Variants in SPTBN1 observed in about 807,000 individuals in gnomAD.
The protein encoded by SPTBN1 is spectrin beta, non-erythrocytic 1.
In SPTBN1, 32 loss-of-function variants were observed where a neutral mutation model predicts 266.4. The ratio of observed to expected loss-of-function variants is 0.12; its 90% CI spans 0.09 to 0.16. SPTBN1 has a LOEUF of 0.16. SPTBN1 is among the 10% of genes least tolerant of loss of function. The pLI, the probability that SPTBN1 is intolerant of heterozygous loss-of-function variation, is 1.00. For missense variants in SPTBN1, 2,296 were observed against 3,067.1 expected (o/e 0.75, Z 5.94); for synonymous variants, 1,336 against 1,162.2 (o/e 1.15, Z -3.04).
chr2:54,496,695 C>A (rs375422384), intron 1 of SPTBN1, among the ~76,000 whole-genome samples: 36 of 152,266 alleles, frequency 2.4e-4, no homozygotes, highest in African/African-American at 7.5e-4. Context: ...AGCAGACTTG[C>A]AAATGATAAT....
chr2:54,670,546 A>G lies in SPTBN1; in HGVS notation c.*1977A>G, dbSNP rs140484403. The G allele has an allele frequency of 0.013, 5,169 of 396,408 alleles. 62 individuals are homozygous for G. Among genetic ancestry groups the G allele is most frequent in the Non-Finnish European group, 0.013 (2,908 of 225,130 alleles). The allele number at this position is 396,408 out of a possible 1,614,324, so 24.6% of individuals were successfully genotyped here. A position where few individuals can be genotyped will look rare whatever the true frequency, so the allele number is the denominator to read the frequency against. On this transcript the variant is annotated 3_prime_UTR_variant, in exon 36 of 36. Transcript: ENST00000356805. ...ACAGTCCTTTGCCCTTGCCATGCTC[A>G]GGGTTGGAATCAAGTTGTTCTATTC...
intron 1 of SPTBN1, among the ~76,000 whole-genome samples, chr2:54,498,720 G>A (rs940048736): frequency 6.6e-6 from 1 of 152,046 alleles, no homozygotes; most frequent in Admixed American, 6.6e-5. Flanking sequence ...CATTGTCAAT[G>A]CATTTTTCTT....
chr2:54,569,852 C>T (rs1673932750), intron 2 of SPTBN1, among the ~76,000 whole-genome samples: 2 of 152,198 alleles, frequency 1.3e-5, no homozygotes, highest in Non-Finnish European at 1.5e-5. Flanking sequence ...CAGGGTGAGC[C>T]TTGTAAACTT....
chr2:54,654,861 G>T (rs946531462), intron 27 of SPTBN1, among the ~76,000 whole-genome samples: 3 of 152,212 alleles, frequency 2.0e-5, no homozygotes, highest in African/African-American at 7.2e-5. Context: ...ATATTCTACA[G>T]TTTGGTTACC....
At chr2:54,565,235 A>T (rs533560380) in intron 2 of SPTBN1, among the ~76,000 whole-genome samples, 2 of 152,214 alleles carry the variant, frequency 1.3e-5, no homozygotes, top group African/African-American at 4.8e-5. Flanking sequence ...TGTGGTGGGG[A>T]TGGAGAAGCA....
intron 3 of SPTBN1, among the ~76,000 whole-genome samples, chr2:54,599,941 C>T (rs1281566531): frequency 1.3e-5 from 2 of 152,180 alleles, no homozygotes; most frequent in Admixed American, 6.5e-5. Context: ...GGTTTTGTCT[C>T]ACCTTGGTTT....
rs563987156 is a variant in SPTBN1 at position 54,514,333 on chromosome 2, A to T, written c.-47-12039A>T. ...ACGAGTGAAATCTTAAAAAACAATT[A>T]ATTTCCATTATAGTAAGGGTGAATT... On this transcript the variant is annotated intron_variant, in intron 1 of 35. Transcript: ENST00000356805. Among the ~76,000 whole-genome samples the T allele has an allele frequency of 2.0e-5, 3 of 152,298 alleles. No homozygotes were observed. In the East Asian group the frequency reaches 5.8e-4, roughly 29 times the overall value.
intron 1 of SPTBN1, among the ~76,000 whole-genome samples, chr2:54,508,074 G>A (rs1218364848): frequency 1.3e-5 from 2 of 152,176 alleles, no homozygotes; most frequent in East Asian, 3.8e-4. Context: ...TCCACTTAAA[G>A]AGAGACTTAA....
At chr2:54,527,608 G>C (rs1364044903) in intron 2 of SPTBN1, 1 of 152,190 alleles carries the variant, frequency 6.6e-6, no homozygotes, top group Non-Finnish European at 1.5e-5. Context: ...CCAGGATCTA[G>C]TTTCTTTCTC....
intron 1 of SPTBN1, among the ~76,000 whole-genome samples, chr2:54,482,865 G>A (rs1292165465): frequency 6.6e-6 from 1 of 152,236 alleles, no homozygotes; most frequent in Non-Finnish European, 1.5e-5. Context: ...GCAGTACTGA[G>A]TCACTCCATA....
intron 2 of SPTBN1, among the ~76,000 whole-genome samples, chr2:54,563,883 A>G (rs1470168293): frequency 6.6e-6 from 1 of 152,246 alleles, no homozygotes; most frequent in East Asian, 1.9e-4. Flanking sequence ...CACACCCGGC[A>G]AGGGTAGCTA....
chr2:54,587,397 G>A (rs113087229), intron 2 of SPTBN1, among the ~76,000 whole-genome samples: 7 of 152,272 alleles, frequency 4.6e-5, no homozygotes, highest in South Asian at 2.1e-4. Flanking sequence ...CGGTTGGTGC[G>A]CTTTAAAACA....
At chr2:54,636,295 C>G (rs1290127274) in intron 17 of SPTBN1, among the ~76,000 whole-genome samples, 1 of 152,116 alleles carries the variant, frequency 6.6e-6, no homozygotes, top group East Asian at 1.9e-4. Context: ...TTATTTGTGT[C>G]TAACATATGC....
intron 32 of SPTBN1, chr2:54,661,319 T>G (rs1681029306): frequency 1.0e-6 from 1 of 985,778 alleles, no homozygotes; most frequent in South Asian, 4.7e-5. Flanking sequence ...ATCAAAACCT[T>G]GTGAGACATT....
intron 1 of SPTBN1, chr2:54,520,480 G>T (rs1670371572): frequency 6.6e-6 from 1 of 152,124 alleles, no homozygotes; most frequent in African/African-American, 2.4e-5. Context: ...TTGAAGAAAT[G>T]AATTTAGTGT....
Position 54,613,600 on chromosome 2 carries a change from C to T in SPTBN1, c.474+1266C>T, listed in dbSNP as rs146653504. Among the ~76,000 whole-genome samples, 389 of 152,296 alleles carry T rather than the reference C, an allele frequency of 2.6e-3. 1 individual carries two copies. Among genetic ancestry groups the T allele is most frequent in the African/African-American group, 8.9e-3 (369 of 41,564 alleles). ...GGAAACCCTTTTAATAATTCAGGTTCCCAGGGCCCAGCCCTAGTAGTTCTG... is the reference window on the plus strand; with the variant it reads ...GGAAACCCTTTTAATAATTCAGGTTTCCAGGGCCCAGCCCTAGTAGTTCTG... On this transcript the variant is annotated intron_variant, in intron 4 of 35. Coordinates refer to ENST00000356805, the MANE Select transcript of SPTBN1 (RefSeq NM_003128.3).
intron 8 of SPTBN1, 85 bp downstream of exon 8, chr2:54,621,597 C>A: frequency 9.1e-7 from 1 of 1,093,340 alleles, no homozygotes; most frequent in South Asian, 1.3e-5. Context: ...TAAAATTTGC[C>A]AATAGCAATT....
chr2:54,664,609 C>A lies in SPTBN1; in HGVS notation c.6577C>A (p.Gln2193Lys). ...TGCCGCCACCTTACCAGCCAGAACC[C>A]AGGAGACACCTTCGGCCCAGATGGA... ...QSAATLPARTQETPSAQMEGF... is the reference protein window; with the variant it reads ...QSAATLPARTKETPSAQMEGF... The change falls in exon 33 of 36, where the codon CAG becomes AAG. Residue 2193 changes from glutamine (Q) to lysine (K), a missense_variant. Transcript: ENST00000356805. This position sits in a 1 kb window ranked among gnomAD's most constrained non-coding sequence, Gnocchi z 5.6. The A allele has an allele frequency of 2.5e-6, 4 of 1,614,176 alleles. No homozygotes were observed. Among genetic ancestry groups the A allele is most frequent in the Non-Finnish European group, 3.4e-6 (4 of 1,180,032 alleles).
chr2:54,610,111 C>T (rs1677111831), intron 3 of SPTBN1, among the ~76,000 whole-genome samples: 1 of 126,622 alleles, frequency 7.9e-6, no homozygotes, highest in Non-Finnish European at 1.7e-5. Context: ...TGCCTGGGAA[C>T]TCATCTGCTG....
Sources: allele counts gnomAD v4.1 joint callset (sites outside exome capture counted in the v4.1 genomes callset), GRCh38; gene constraint gnomAD v4.1.1; non-coding constraint Gnocchi (gnomAD v3.1); transcripts MANE v1.5; gene names NCBI Gene and HGNC (gene_info 2026-07-23, HGNC 2026-07-21).